The following TMEM132D variants were observed in gnomAD, a reference collection of about 807,000 sequenced individuals.
The protein encoded by TMEM132D is transmembrane protein 132D.
Under a neutral mutation model 62.3 loss-of-function variants are expected in TMEM132D, and 21 were observed. The observed-to-expected ratio is 0.34, with a 90% confidence interval of 0.24 to 0.49. The LOEUF is 0.49. TMEM132D is among the 20% of genes least tolerant of loss of function. TMEM132D has a pLI of 0.99. For synonymous variants in TMEM132D, 621 were observed against 575.6 expected (o/e 1.08, Z -1.13); for missense variants, 1,346 against 1,402.8 (o/e 0.96, Z 0.65).
At chr12:129,714,999 A>C (rs2137239243) in intron 1 of TMEM132D, among the ~76,000 whole-genome samples, 1 of 152,336 alleles carries the variant, frequency 6.6e-6, no homozygotes, top group East Asian at 1.9e-4. Context: ...TATGCAGGGA[A>C]AGAACTTCAT....
At chr12:129,390,112 G>A (rs1366638867) in intron 3 of TMEM132D, among the ~76,000 whole-genome samples, 1 of 152,210 alleles carries the variant, frequency 6.6e-6, no homozygotes, top group Non-Finnish European at 1.5e-5. Flanking sequence ...GCACTTTCAA[G>A]TGCTCCTGGA....
At chr12:129,299,560 T>C (rs1367882522) in intron 4 of TMEM132D, among the ~76,000 whole-genome samples, 1 of 152,072 alleles carries the variant, frequency 6.6e-6, no homozygotes, top group East Asian at 1.9e-4. Flanking sequence ...AGAGAATGTT[T>C]TGTATGTGAC....
chr12:129,708,748 G>A (rs1329490038), intron 1 of TMEM132D, among the ~76,000 whole-genome samples: 1 of 146,060 alleles, frequency 6.8e-6, no homozygotes, highest in African/African-American at 2.5e-5. Flanking sequence ...ATTATTTTTT[G>A]TCTAAAAATC....
At chr12:129,435,687 A>G (rs1414279418) in intron 3 of TMEM132D, among the ~76,000 whole-genome samples, 1 of 152,120 alleles carries the variant, frequency 6.6e-6, no homozygotes, top group African/African-American at 2.4e-5. Context: ...TCCCCTGAAG[A>G]TTCTCCATGC....
intron 5 of TMEM132D, among the ~76,000 whole-genome samples, chr12:129,199,294 G>A (rs750186181): frequency 1.3e-5 from 2 of 151,882 alleles, no homozygotes; most frequent in Non-Finnish European, 2.9e-5. Flanking sequence ...TAGAGATAGG[G>A]TTTCGCCATG....
intron 4 of TMEM132D, among the ~76,000 whole-genome samples, chr12:129,290,262 G>T (rs564329363): frequency 2.0e-5 from 3 of 152,162 alleles, no homozygotes; most frequent in African/African-American, 7.2e-5. Flanking sequence ...GGAGCATCTT[G>T]AAATGGGAAA....
At chr12:129,789,670 G>A (rs1391638431) in intron 1 of TMEM132D, among the ~76,000 whole-genome samples, 1 of 152,206 alleles carries the variant, frequency 6.6e-6, no homozygotes, top group Non-Finnish European at 1.5e-5. Flanking sequence ...TCTGACATGT[G>A]TCAAGCAAGA....
Position 129,272,891 on chromosome 12 carries a change from T to A in TMEM132D, c.1300-63228A>T, listed in dbSNP as rs188491381. On this transcript the variant is annotated intron_variant, in intron 4 of 8. Coordinates refer to ENST00000422113, the MANE Select transcript of TMEM132D (RefSeq NM_133448.3). ...GCCAGGCCAACGTGATGAAACCCCA[T>A]CTCTACTAAAACTACAAAAATTAGC... Among the ~76,000 whole-genome samples the A allele has an allele frequency of 2.6e-4, 39 of 151,862 alleles. No individual in the cohort carries two copies. The East Asian group carries it at 3.3e-3, about 13-fold the overall frequency.
At chr12:129,347,090 C>T (rs537674357) in intron 3 of TMEM132D, among the ~76,000 whole-genome samples, 2 of 152,256 alleles carry the variant, frequency 1.3e-5, no homozygotes, top group African/African-American at 4.8e-5. Flanking sequence ...ATTCCATGCT[C>T]GTGGATAGAA....
intron 4 of TMEM132D, among the ~76,000 whole-genome samples, chr12:129,265,604 T>C (rs546757414): frequency 3.5e-4 from 53 of 152,182 alleles, no homozygotes; most frequent in African/African-American, 1.2e-3. Context: ...CCCCATGGCT[T>C]CTGTGATGCC....
At position 129,104,367 on chromosome 12, in the gene TMEM132D, T is replaced by C. The variant is rs1399176053; in HGVS notation, c.1444-19665A>G. On this transcript the variant is annotated intron_variant, in intron 5 of 8. Coordinates refer to ENST00000422113, the MANE Select transcript of TMEM132D (RefSeq NM_133448.3). ...TAGAAAGCTGAAACTGGATCCCTTC[T>C]TTACACCTTATACAAAAATCAATTC... 5.3e-5 allele frequency among the ~76,000 whole-genome samples: 8 copies of C among 152,038 alleles called. No homozygotes were observed. In the East Asian group the frequency reaches 7.8e-4, roughly 15 times the overall value.
intron 5 of TMEM132D, among the ~76,000 whole-genome samples, chr12:129,206,895 A>T (rs550377697): frequency 6.6e-6 from 1 of 152,264 alleles, no homozygotes; most frequent in East Asian, 1.9e-4. Flanking sequence ...GGAGATCAAC[A>T]AGGAGAACAC....
In TMEM132D at chr12:129,383,472, C is replaced by T. The variant is rs561969629; in HGVS notation, c.1116-45655G>A. Among the ~76,000 whole-genome samples, 17 of 152,184 alleles carry T rather than the reference C, an allele frequency of 1.1e-4. No individual in the cohort carries two copies. In the East Asian group the frequency reaches 2.3e-3, roughly 21 times the overall value. On this transcript the variant is annotated intron_variant, in intron 3 of 8. Coordinates refer to ENST00000422113, the MANE Select transcript of TMEM132D (RefSeq NM_133448.3). ...GATAATCTTTTTGTTGTTATTGAGG[C>T]GGAGTCTTGCTCTGTTGCCCAGGCT...
chr12:129,741,282 C>T (rs1396770171), intron 1 of TMEM132D, among the ~76,000 whole-genome samples: 2 of 152,206 alleles, frequency 1.3e-5, no homozygotes. Flanking sequence ...CTTGACTTCT[C>T]TCTTAGTTTT....
intron 2 of TMEM132D, among the ~76,000 whole-genome samples, chr12:129,568,615 A>T: frequency 6.6e-6 from 1 of 152,236 alleles, no homozygotes; most frequent in East Asian, 1.9e-4. Context: ...TTTCTTAAGA[A>T]GAGTGTTTCT....
At chr12:129,812,711 CT>C (rs971436908) in intron 1 of TMEM132D, among the ~76,000 whole-genome samples, 18 of 151,800 alleles carry the variant, frequency 1.2e-4, no homozygotes, top group African/African-American at 3.9e-4. Flanking sequence ...GCCACAAATT[CT>C]TGGCTTTTCT....
chr12:129,148,668 A>C (rs1876982385), intron 5 of TMEM132D, among the ~76,000 whole-genome samples: 1 of 152,226 alleles, frequency 6.6e-6, no homozygotes, highest in Admixed American at 6.5e-5. Context: ...TTTTTAAAAA[A>C]GCCAGCCTGT....
At chr12:129,772,938 G>A (rs1324242692) in intron 1 of TMEM132D, among the ~76,000 whole-genome samples, 2 of 152,168 alleles carry the variant, frequency 1.3e-5, no homozygotes, top group Non-Finnish European at 2.9e-5. Context: ...GACAGAGTGC[G>A]CAAGATTCAT....
intron 4 of TMEM132D, among the ~76,000 whole-genome samples, chr12:129,278,236 G>T (rs1294129192): frequency 6.6e-6 from 1 of 152,152 alleles, no homozygotes; most frequent in African/African-American, 2.4e-5. Context: ...CTTCCTAGGT[G>T]CTGGGCAAGG....
Sources: allele counts gnomAD v4.1 joint callset (sites outside exome capture counted in the v4.1 genomes callset), GRCh38; gene constraint gnomAD v4.1.1; transcripts MANE v1.5; gene names NCBI Gene and HGNC (gene_info 2026-07-23, HGNC 2026-07-21).